MAST2: variants seen among roughly 807,000 people sequenced by gnomAD.
MAST2 encodes the protein microtubule-associated serine/threonine-protein kinase 2.
MAST2 carries 70 observed loss-of-function variants against 147.4 expected under a neutral mutation model. The ratio of observed to expected loss-of-function variants is 0.47; its 90% confidence interval spans 0.39 to 0.58. The LOEUF (loss-of-function observed/expected upper bound fraction) is 0.58, where lower values mean the gene tolerates loss of function less well. Ranked by LOEUF, MAST2 falls within the 20% of genes least tolerant of loss-of-function variation. MAST2 has a pLI of 0.00. For missense variants in MAST2, 2,080 were observed against 2,302.3 expected (o/e 0.90, Z 1.98); for synonymous variants, 869 against 896.8 (o/e 0.97, Z 0.55).
chr1:45,998,047 G>A (rs1378612329), intron 6 of MAST2, among the ~76,000 whole-genome samples: 2 of 152,170 alleles, frequency 1.3e-5, no homozygotes, highest in African/African-American at 4.8e-5. Context: ...TTAAGTAAAA[G>A]TAGATTTATT....
intron 12 of MAST2, 81 bp downstream of exon 12, chr1:46,022,163 A>T: frequency 6.4e-7 from 1 of 1,573,406 alleles, no homozygotes; most frequent in Admixed American, 1.8e-5. Context: ...CTTGGAAAAG[A>T]GACTTAGCTT....
At chr1:45,825,062 G>A (rs1042798493) in intron 2 of MAST2, among the ~76,000 whole-genome samples, 17 of 152,216 alleles carry the variant, frequency 1.1e-4, no homozygotes, top group South Asian at 4.1e-4. Context: ...GTTTCGCTCC[G>A]TAGCCCAGGC....
intron 5 of MAST2, among the ~76,000 whole-genome samples, chr1:45,966,661 G>T (rs1470589933): frequency 1.3e-5 from 2 of 152,268 alleles, no homozygotes; most frequent in East Asian, 3.9e-4. Flanking sequence ...GGTGGAGGTT[G>T]CAGTGAGCCA....
At chr1:45,856,658 A>G (rs1349358608) in intron 3 of MAST2, among the ~76,000 whole-genome samples, 1 of 152,202 alleles carries the variant, frequency 6.6e-6, no homozygotes, top group Admixed American at 6.5e-5. Context: ...GTTTTAAGTT[A>G]GGAGAATTCT....
At chr1:45,834,581 A>G (rs1034663669) in intron 3 of MAST2, among the ~76,000 whole-genome samples, 22 of 152,146 alleles carry the variant, frequency 1.4e-4, no homozygotes, top group Non-Finnish European at 2.6e-4. Flanking sequence ...TAAAACTTAG[A>G]TAGCGTCTTG....
At chr1:45,974,233 A>G (rs1644043121) in intron 5 of MAST2, among the ~76,000 whole-genome samples, 1 of 152,146 alleles carries the variant, frequency 6.6e-6, no homozygotes, top group South Asian at 2.1e-4. Flanking sequence ...GGAATAGGGG[A>G]GGATGTGGGG....
chr1:46,030,806 T>C, intron 22 of MAST2, 45 bp downstream of exon 22: 2 of 1,522,318 alleles, frequency 1.3e-6, no homozygotes, highest in South Asian at 1.3e-5. Flanking sequence ...CAGCTATCCC[T>C]GCATTGTCAC....
intron 4 of MAST2, 21 bp from the exon 5 acceptor site, chr1:45,959,365 C>A: frequency 6.2e-7 from 1 of 1,602,242 alleles, no homozygotes; most frequent in Non-Finnish European, 8.5e-7. Flanking sequence ...TATTATAATT[C>A]ATATTTTGTT....
At chr1:45,846,524 T>G (rs1193949041) in intron 3 of MAST2, among the ~76,000 whole-genome samples, 1 of 152,120 alleles carries the variant, frequency 6.6e-6, no homozygotes, top group East Asian at 1.9e-4. Context: ...ATCTTCATTT[T>G]AAAATAAATA....
At chr1:45,873,116 T>C (rs1319348943) in intron 3 of MAST2, among the ~76,000 whole-genome samples, 1 of 151,962 alleles carries the variant, frequency 6.6e-6, no homozygotes, top group African/African-American at 2.4e-5. Context: ...TTTTAGAGAA[T>C]AGCATCTTAT....
rs142392216 is a variant in MAST2 at position 45,905,101 on chromosome 1, G to A, written c.500+22706G>A. ...TCTGGGATTGTAGGCATGAGCCAGCGCACCTGGTCACAAAGTTACTTTTGT... is the reference window on the plus strand; with the variant it reads ...TCTGGGATTGTAGGCATGAGCCAGCACACCTGGTCACAAAGTTACTTTTGT... On this transcript the variant is annotated intron_variant, in intron 4 of 28. Coordinates refer to ENST00000361297, the MANE Select transcript of MAST2 (RefSeq NM_015112.3). 9.3e-5 allele frequency among the ~76,000 whole-genome samples: 14 copies of A among 150,760 alleles called. No individual in the cohort carries two copies. The East Asian group carries it at 1.6e-3, about 17-fold the overall frequency.
chr1:45,987,183 G>T (rs1644659157), intron 5 of MAST2, among the ~76,000 whole-genome samples: 1 of 152,144 alleles, frequency 6.6e-6, no homozygotes, highest in South Asian at 2.1e-4. Context: ...AAGTTGTTCT[G>T]ATAACTGTAG....
At position 46,033,869 on chromosome 1, in the gene MAST2, G is replaced by A. The variant is rs770112215; in HGVS notation, c.3605G>A (p.Arg1202Gln). The A allele has an allele frequency of 2.0e-5, 32 of 1,614,052 alleles. No homozygotes were observed. Among genetic ancestry groups the A allele is most frequent in the Admixed American group, 5.0e-5 (3 of 60,000 alleles). Residue 1202 changes from arginine (R) to glutamine (Q), a missense_variant, in exon 27 of 29, where the codon CGG becomes CAG. Transcript: ENST00000361297. ...ENTSIKVGPARKGSYKAKMAR... is the reference protein window; with the variant it reads ...ENTSIKVGPAQKGSYKAKMAR... ...ACATCCATTAAAGTGGGGCCAGCTCGGAAGGGCAGCTACAAGGCCAAGATG... is the reference window on the plus strand; with the variant it reads ...ACATCCATTAAAGTGGGGCCAGCTCAGAAGGGCAGCTACAAGGCCAAGATG...
At chr1:45,893,256 A>C (rs1316983182) in intron 4 of MAST2, among the ~76,000 whole-genome samples, 1 of 152,134 alleles carries the variant, frequency 6.6e-6, no homozygotes, top group Non-Finnish European at 1.5e-5. Context: ...GCTGGAGTGC[A>C]GTGGCTCTGT....
At chr1:45,964,983 A>G (rs1660963900) in intron 5 of MAST2, among the ~76,000 whole-genome samples, 1 of 152,176 alleles carries the variant, frequency 6.6e-6, no homozygotes, top group Non-Finnish European at 1.5e-5. Context: ...TGTACCCAGT[A>G]GTCATTCAGG....
At chr1:45,937,474 G>A (rs1280852726) in intron 4 of MAST2, among the ~76,000 whole-genome samples, 1 of 151,986 alleles carries the variant, frequency 6.6e-6, no homozygotes, top group African/African-American at 2.4e-5. Context: ...TTGTGGTTGG[G>A]TACGGTGGCT....
In MAST2 at chr1:45,860,201, TACAC is replaced by T. The variant is rs777498021; in HGVS notation, c.469-22135_469-22132del. Among the ~76,000 whole-genome samples the T allele has an allele frequency of 4.6e-3, 666 of 143,920 alleles. 3 individuals carry two copies. Among genetic ancestry groups the T allele is most frequent in the African/African-American group, 0.012 (460 of 38,662 alleles). The allele number at this position is 143,920 out of a possible 152,430, so 94.4% of individuals were successfully genotyped here. On this transcript the variant is annotated intron_variant, in intron 3 of 28. Coordinates refer to ENST00000361297, the MANE Select transcript of MAST2 (RefSeq NM_015112.3). ...GGTAAACCCCTGTCTCTACTAAAAA[TACAC>T]ACACACACACACACACACACACACA...
intron 1 of MAST2, among the ~76,000 whole-genome samples, chr1:45,805,714 C>T (rs1160664726): frequency 2.6e-5 from 4 of 152,176 alleles, no homozygotes; most frequent in African/African-American, 4.8e-5. Context: ...GAGAAAAGTA[C>T]TCATCCTCCT....
rs555888591 is a variant in MAST2, at chr1:45,981,658, G to C, written c.593-16066G>C. On this transcript the variant is annotated intron_variant, in intron 5 of 28. Coordinates refer to ENST00000361297, the MANE Select transcript of MAST2 (RefSeq NM_015112.3). ...TAAATTCCTACCAAAGTTAGTTTTG[G>C]CCTAAGCTCAGAAATGTACAAGGGC... 2.0e-5 allele frequency among the ~76,000 whole-genome samples: 3 copies of C among 152,140 alleles called. No homozygotes were observed. In the South Asian group the frequency reaches 6.2e-4, roughly 32 times the overall value.
Sources: allele counts gnomAD v4.1 joint callset (sites outside exome capture counted in the v4.1 genomes callset), GRCh38; gene constraint gnomAD v4.1.1; transcripts MANE v1.5; gene names NCBI Gene and HGNC (gene_info 2026-07-23, HGNC 2026-07-21).